The following LRRC1 variants were observed in gnomAD, a reference collection of about 807,000 sequenced individuals.
The protein encoded by LRRC1 is leucine-rich repeat-containing protein 1.
LRRC1 carries 28 observed loss-of-function variants against 69.9 expected under a neutral mutation model. The ratio of observed to expected loss-of-function variants is 0.40; its 90% confidence interval spans 0.30 to 0.55. The LOEUF (loss-of-function observed/expected upper bound fraction) is 0.55, where lower values mean the gene tolerates loss of function less well. Ranked by LOEUF, LRRC1 falls within the 20% of genes least tolerant of loss-of-function variation. The probability of loss-of-function intolerance (pLI) is 0.47; values close to 1 mark genes in which losing one functional copy is unlikely to be tolerated. For missense variants in LRRC1, 498 were observed against 609.0 expected (o/e 0.82, Z 1.92); for synonymous variants, 236 against 240.2 (o/e 0.98, Z 0.16).
intron 10 of LRRC1, chr6:53,905,158 T>A (rs1211547779): frequency 6.6e-6 from 1 of 151,376 alleles, no homozygotes; most frequent in African/African-American, 2.4e-5. Flanking sequence ...AGGTGTCTAG[T>A]GTGTTGTTTA....
intron 2 of LRRC1, among the ~76,000 whole-genome samples, chr6:53,878,157 C>T (rs1767137633): frequency 6.6e-6 from 1 of 152,092 alleles, no homozygotes; most frequent in Non-Finnish European, 1.5e-5. Flanking sequence ...GAGAACAGCA[C>T]AGGAAAGACC....
intron 2 of LRRC1, among the ~76,000 whole-genome samples, chr6:53,872,439 A>T (rs1747442775): frequency 6.6e-6 from 1 of 152,148 alleles, no homozygotes; most frequent in Admixed American, 6.5e-5. Flanking sequence ...TGGTCTATGT[A>T]TCAGTTTCTA....
chr6:53,801,425 G>A (rs1041646481), intron 1 of LRRC1, among the ~76,000 whole-genome samples: 1 of 152,128 alleles, frequency 6.6e-6, no homozygotes. Flanking sequence ...TTTTATGTTT[G>A]GACATACTTC....
intron 1 of LRRC1, among the ~76,000 whole-genome samples, chr6:53,831,273 T>G (rs1347648212): frequency 3.9e-5 from 6 of 152,156 alleles, no homozygotes; most frequent in African/African-American, 1.4e-4. Context: ...ACATGACTTC[T>G]TTGTAAATGC....
At chr6:53,798,216 C>A (rs186526997) in intron 1 of LRRC1, among the ~76,000 whole-genome samples, 1 of 152,178 alleles carries the variant, frequency 6.6e-6, no homozygotes, top group Admixed American at 6.5e-5. Flanking sequence ...CCCTCATCTT[C>A]AGTTTGGTTG....
rs1374568933 is a variant in LRRC1 at position 53,923,749 on chromosome 6, T to A, written c.*956T>A. 1 of 152,610 alleles carries A rather than the reference T, an allele frequency of 6.6e-6. No individual in the cohort carries two copies. Among genetic ancestry groups the A allele is most frequent in the Non-Finnish European group, 1.5e-5 (1 of 68,036 alleles). The allele number at this position is 152,610 out of a possible 1,614,324, so 9.5% of individuals were successfully genotyped here. A position where few individuals can be genotyped will look rare whatever the true frequency, so the allele number is the denominator to read the frequency against. ...AAAAAGAGAACACTGGTTCAGACAT[T>A]CAGTGGGCAAGTAAATTATGGACTG... is the stretch of plus-strand genomic sequence containing the variant. On this transcript the variant is annotated 3_prime_UTR_variant, in exon 14 of 14. Transcript: ENST00000370888.
intron 2 of LRRC1, 97 bp downstream of exon 2, chr6:53,842,324 T>A (rs774965051): frequency 2.9e-5 from 22 of 765,846 alleles, no homozygotes; most frequent in Non-Finnish European, 4.2e-5. Context: ...CGGTGTTTGG[T>A]TTTTTGTCCT....
At chr6:53,839,693 A>G (rs1423008559) in intron 1 of LRRC1, among the ~76,000 whole-genome samples, 3 of 152,192 alleles carry the variant, frequency 2.0e-5, no homozygotes, top group African/African-American at 7.2e-5. Flanking sequence ...CAATATTGAC[A>G]TAACATAAAT....
intron 1 of LRRC1, among the ~76,000 whole-genome samples, chr6:53,841,291 A>G (rs1765782060): frequency 2.6e-5 from 4 of 152,206 alleles, no homozygotes; most frequent in African/African-American, 9.7e-5. Context: ...TAAATTTTCA[A>G]TCAGTTCTCC....
intron 2 of LRRC1, among the ~76,000 whole-genome samples, chr6:53,876,190 AAG>A (rs1767063004): frequency 6.6e-6 from 1 of 152,162 alleles, no homozygotes; most frequent in Non-Finnish European, 1.5e-5. Flanking sequence ...GTGGCAGGCA[AAG>A]AGAGCTTGTG....
intron 1 of LRRC1, among the ~76,000 whole-genome samples, chr6:53,819,839 C>A (rs1329282077): frequency 2.0e-5 from 3 of 152,148 alleles, no homozygotes; most frequent in Non-Finnish European, 4.4e-5. Flanking sequence ...ACTGTCACTC[C>A]CCTCATCCTG....
chr6:53,827,726 T>C (rs535183335), intron 1 of LRRC1, among the ~76,000 whole-genome samples: 2 of 152,334 alleles, frequency 1.3e-5, no homozygotes, highest in East Asian at 3.9e-4. Flanking sequence ...GACACTGGAC[T>C]GGAAGCCAGA....
chr6:53,857,675 C>T (rs1766356013), intron 2 of LRRC1, among the ~76,000 whole-genome samples: 1 of 152,168 alleles, frequency 6.6e-6, no homozygotes, highest in South Asian at 2.1e-4. Context: ...AATAAACGTG[C>T]ACTGAAAAGT....
At chr6:53,803,233 C>T (rs755827836) in intron 1 of LRRC1, among the ~76,000 whole-genome samples, 8 of 152,122 alleles carry the variant, frequency 5.3e-5, no homozygotes, top group African/African-American at 9.7e-5. Flanking sequence ...CATTTCTTTG[C>T]GATGATGACA....
At chr6:53,915,675 A>G (rs1029147655) in intron 11 of LRRC1, among the ~76,000 whole-genome samples, 6 of 152,206 alleles carry the variant, frequency 3.9e-5, no homozygotes, top group African/African-American at 1.4e-4. Context: ...AAAAAGAGAA[A>G]GTTAAATTTT....
At chr6:53,909,791 G>A (rs377751964) in intron 10 of LRRC1, among the ~76,000 whole-genome samples, 8 of 152,084 alleles carry the variant, frequency 5.3e-5, no homozygotes, top group South Asian at 4.1e-4. Flanking sequence ...TTCAAATTGC[G>A]TTTTGGCCAG....
At chr6:53,884,104 A>T (rs1767390673) in intron 4 of LRRC1, 2 of 674,098 alleles carry the variant, frequency 3.0e-6, no homozygotes, top group African/African-American at 3.6e-5. Context: ...CCCTCAATAC[A>T]CTCTAGGTGT....
intron 2 of LRRC1, among the ~76,000 whole-genome samples, chr6:53,851,786 A>G (rs989080946): frequency 6.6e-6 from 1 of 152,196 alleles, no homozygotes; most frequent in Non-Finnish European, 1.5e-5. Context: ...TAACATGTTT[A>G]TAGGAAACTC....
chr6:53,796,111 C>T (rs1047589742), intron 1 of LRRC1, among the ~76,000 whole-genome samples: 1 of 152,234 alleles, frequency 6.6e-6, no homozygotes, highest in South Asian at 2.1e-4. Flanking sequence ...CTGCGGTGAA[C>T]GTCAGCGGAG....
Sources: allele counts gnomAD v4.1 joint callset (sites outside exome capture counted in the v4.1 genomes callset), GRCh38; gene constraint gnomAD v4.1.1; transcripts MANE v1.5; gene names NCBI Gene and HGNC (gene_info 2026-07-23, HGNC 2026-07-21).